Variants in YIPF4 observed in about 807,000 individuals in gnomAD.
YIPF4 encodes the protein protein YIPF4.
A neutral mutation model predicts 29.4 loss-of-function variants in YIPF4; 18 were observed. That is an observed-to-expected ratio of 0.61 (90% CI 0.42 to 0.91). The LOEUF is 0.91. YIPF4 is among the 40% of genes least tolerant of loss of function. The probability of loss-of-function intolerance (pLI) is 0.00; values close to 1 mark genes in which losing one functional copy is unlikely to be tolerated. For synonymous variants in YIPF4, 115 were observed against 104.7 expected (o/e 1.10, Z -0.60); for missense variants, 279 against 282.7 (o/e 0.99, Z 0.09).
intron 3 of YIPF4, among the ~76,000 whole-genome samples, chr2:32,296,005 A>G (rs192680961): frequency 1.3e-5 from 2 of 152,190 alleles, no homozygotes; most frequent in Non-Finnish European, 2.9e-5. Flanking sequence ...TTACTATACT[A>G]GTCCTATTAA....
At chr2:32,299,365 A>G (rs1245169429) in intron 4 of YIPF4, among the ~76,000 whole-genome samples, 1 of 152,240 alleles carries the variant, frequency 6.6e-6, no homozygotes, top group Non-Finnish European at 1.5e-5. Flanking sequence ...GGCTGAATGG[A>G]AATTGGATTC....
intron 1 of YIPF4, 101 bp downstream of exon 1, chr2:32,278,335 G>T (rs969113732): frequency 3.3e-6 from 4 of 1,204,112 alleles, no homozygotes; most frequent in African/African-American, 1.6e-5. Context: ...GGTGGGGACA[G>T]GCAGGAAGCT....
At chr2:32,280,036 C>T (rs1466182565) in intron 1 of YIPF4, among the ~76,000 whole-genome samples, 1 of 150,296 alleles carries the variant, frequency 6.7e-6, no homozygotes, top group Non-Finnish European at 1.5e-5. Flanking sequence ...AGCTGGAGAC[C>T]GTCTGGTGGC....
At chr2:32,295,945 C>A (rs1263146039) in intron 3 of YIPF4, among the ~76,000 whole-genome samples, 1 of 152,084 alleles carries the variant, frequency 6.6e-6, no homozygotes, top group Admixed American at 6.6e-5. Context: ...ACATTTAGGG[C>A]CCAGCAAGGT....
chr2:32,295,764 C>T (rs2031154637), intron 3 of YIPF4, among the ~76,000 whole-genome samples: 1 of 152,092 alleles, frequency 6.6e-6, no homozygotes, highest in African/African-American at 2.4e-5. Flanking sequence ...CCACCACCCC[C>T]AGCTAATTTT....
Position 32,290,655 on chromosome 2 carries a change from A to G in YIPF4, c.233+19A>G. On this transcript the variant is annotated intron_variant, in intron 2 of 5. Coordinates refer to ENST00000238831, the MANE Select transcript of YIPF4 (RefSeq NM_032312.4). ...CACTCTTGTATGTAAAAATAATAAT[A>G]TATATTTTTTGTTTTTTGAGCTAGT... is the stretch of plus-strand genomic sequence containing the variant. The G allele has an allele frequency of 7.2e-7, 1 of 1,397,702 alleles. No homozygotes were observed. Among genetic ancestry groups the G allele is most frequent in the Non-Finnish European group, 9.3e-7 (1 of 1,071,986 alleles). The allele number at this position is 1,397,702 out of a possible 1,614,324, so 86.6% of individuals were successfully genotyped here.
Position 32,312,486 on chromosome 2 carries a change from TCAAAAAAAAA to T in YIPF4, c.*6861_*6870del, listed in dbSNP as rs2031733564. 8.5e-5 allele frequency: 1 copy of T among 11,830 alleles called. No homozygotes were observed. Among genetic ancestry groups the T allele is most frequent in the Admixed American group, 1.7e-3 (1 of 584 alleles). The allele number at this position is 11,830 out of a possible 1,614,324, so 0.7% of individuals were successfully genotyped here. On this transcript the variant is annotated 3_prime_UTR_variant, in exon 6 of 6. Transcript: ENST00000238831. ...CTGGGCGACAGAGCGAGAATCCGTC[TCAAAAAAAAA>T]AAAAAAAAAAAAAAAAAAAAAAATT...
Position 32,278,218 on chromosome 2 carries a change from C to G in YIPF4, c.63C>G (p.Ser21=). 6.4e-7 allele frequency: 1 copy of G among 1,568,126 alleles called. No homozygotes were observed. The highest frequency in any genetic ancestry group is 8.6e-7 in the Non-Finnish European group (1 of 1,157,050). The change falls in exon 1 of 6, where the codon TCC becomes TCG. Residue 21 remains serine (S), a synonymous_variant. Coordinates refer to ENST00000238831, the MANE Select transcript of YIPF4 (RefSeq NM_032312.4). The part of the protein sequence containing the change: ...APTNGDFTFV[S]SADAEDLSGS... ...CTAACGGGGACTTCACCTTTGTCTCCTCAGCAGACGCGGAAGGTGAGGCTG... is the reference window on the plus strand; with the variant it reads ...CTAACGGGGACTTCACCTTTGTCTCGTCAGCAGACGCGGAAGGTGAGGCTG...
intron 1 of YIPF4, among the ~76,000 whole-genome samples, chr2:32,285,853 A>G (rs758926303): frequency 1.3e-4 from 19 of 151,962 alleles, no homozygotes; most frequent in Non-Finnish European, 1.8e-4. Flanking sequence ...ATGGGGTTTC[A>G]CTGTCTTGGC....
In YIPF4 at chr2:32,307,380, G is replaced by T; in HGVS notation, c.*1754G>T. 1 of 179,082 alleles carries T rather than the reference G, an allele frequency of 5.6e-6. No homozygotes were observed. Among genetic ancestry groups the T allele is most frequent in the Non-Finnish European group, 1.3e-5 (1 of 78,960 alleles). The allele number at this position is 179,082 out of a possible 1,614,324, so 11.1% of individuals were successfully genotyped here. A position where few individuals can be genotyped will look rare whatever the true frequency, so the allele number is the denominator to read the frequency against. On this transcript the variant is annotated 3_prime_UTR_variant, in exon 6 of 6. Coordinates refer to ENST00000238831, the MANE Select transcript of YIPF4 (RefSeq NM_032312.4). The stretch of plus-strand genomic sequence containing the variant: ...TTAAGATCACCTCTATTAAAAAATG[G>T]TTTAATTTTTAAAAACTATCATTGC...
chr2:32,286,611 T>A (rs2030682084), intron 1 of YIPF4, among the ~76,000 whole-genome samples: 1 of 152,054 alleles, frequency 6.6e-6, no homozygotes, highest in South Asian at 2.1e-4. Context: ...AGTGGCGCGA[T>A]CTCAGCTCAG....
chr2:32,298,749 G>T (rs2031287011), intron 4 of YIPF4, among the ~76,000 whole-genome samples: 1 of 151,944 alleles, frequency 6.6e-6, no homozygotes, highest in Non-Finnish European at 1.5e-5. Flanking sequence ...AGTAGAGACA[G>T]GGTTTCACCA....
At position 32,279,896 on chromosome 2, in the gene YIPF4, T is replaced by C. The variant is rs573171594; in HGVS notation, c.79+1662T>C. Among the ~76,000 whole-genome samples the C allele has an allele frequency of 1.2e-4, 18 of 150,158 alleles. No homozygotes were observed. In the South Asian group the frequency reaches 2.5e-3, roughly 21 times the overall value. ...GAGACATTTATTTTTTTTTCTCTTA[T>C]GTTCTTTTTTTTTTTTTTTGAGGTG... On this transcript the variant is annotated intron_variant, in intron 1 of 5. Coordinates refer to ENST00000238831, the MANE Select transcript of YIPF4 (RefSeq NM_032312.4).
chr2:32,280,232 A>G lies in YIPF4; in HGVS notation c.79+1998A>G, dbSNP rs536875218. Among the ~76,000 whole-genome samples the G allele has an allele frequency of 3.3e-5, 5 of 151,206 alleles. No individual in the cohort carries two copies. The East Asian group carries it at 5.8e-4, about 18-fold the overall frequency. On this transcript the variant is annotated intron_variant, in intron 1 of 5. Coordinates refer to ENST00000238831, the MANE Select transcript of YIPF4 (RefSeq NM_032312.4). ...AAGCTCCGCTTCCCAGGTTCATGCT[A>G]TTCTCCTGCCTCAGCCTCCCGAGTA...
chr2:32,300,334 C>T (rs1461536120), intron 4 of YIPF4, among the ~76,000 whole-genome samples: 1 of 142,336 alleles, frequency 7.0e-6, no homozygotes, highest in Non-Finnish European at 1.5e-5. Context: ...CTCAGGAGGC[C>T]GAGGCAGAAG....
At chr2:32,295,727 C>T (rs768477122) in intron 3 of YIPF4, among the ~76,000 whole-genome samples, 2 of 152,124 alleles carry the variant, frequency 1.3e-5, no homozygotes, top group African/African-American at 4.8e-5. Flanking sequence ...CCTCAGCCTC[C>T]TACATAGCTG....
intron 1 of YIPF4, among the ~76,000 whole-genome samples, chr2:32,284,840 G>T (rs550083918): frequency 6.6e-6 from 1 of 152,312 alleles, no homozygotes; most frequent in East Asian, 1.9e-4. Context: ...GGCTTAGTGT[G>T]GCTAGGGTAT....
intron 1 of YIPF4, among the ~76,000 whole-genome samples, chr2:32,284,134 A>G (rs1016647292): frequency 6.6e-6 from 1 of 152,228 alleles, no homozygotes; most frequent in Non-Finnish European, 1.5e-5. Flanking sequence ...AGGCACTATT[A>G]TAAGTACTGG....
In YIPF4 at chr2:32,290,652, AAT is replaced by A. The variant is rs2030871524; in HGVS notation, c.233+23_233+24del. 4.3e-6 allele frequency: 6 copies of A among 1,406,496 alleles called. No individual in the cohort carries two copies. Among genetic ancestry groups the A allele is most frequent in the Admixed American group, 2.7e-5 (1 of 36,694 alleles). 87.1% of individuals were successfully genotyped at this position (1,406,496 alleles called of 1,614,324 possible). On this transcript the variant is annotated intron_variant, in intron 2 of 5. Coordinates refer to ENST00000238831, the MANE Select transcript of YIPF4 (RefSeq NM_032312.4). ...AGCCACTCTTGTATGTAAAAATAAT[AAT>A]ATATATTTTTTGTTTTTTGAGCTAG...
Sources: gnomAD v4.1 joint callset for allele counts (sites outside exome capture counted in the v4.1 genomes callset) on GRCh38, gnomAD v4.1.1 for gene constraint, MANE v1.5 for transcripts, NCBI Gene and HGNC (gene_info 2026-07-23, HGNC 2026-07-21) for gene names.